Variants in SGCZ observed in about 807,000 individuals in gnomAD.
SGCZ encodes zeta-sarcoglycan.
Under a neutral mutation model 41.3 loss-of-function variants are expected in SGCZ, and 40 were observed. The ratio of observed to expected loss-of-function variants is 0.97; its 90% confidence interval spans 0.75 to 1.26. SGCZ has a LOEUF of 1.26. Among genes scored for constraint, SGCZ ranks in the 50% most tolerant of loss-of-function variants. SGCZ has a pLI of 0.00. For missense variants in SGCZ, 552 were observed against 369.8 expected, an observed-to-expected ratio of 1.49 and a Z score of -4.04; for synonymous variants, 206 against 137.5, an observed-to-expected ratio of 1.50 and a Z score of -3.49.
chr8:14,229,382 T>C (rs1806483319), intron 4 of SGCZ, among the ~76,000 whole-genome samples: 1 of 152,054 alleles, frequency 6.6e-6, no homozygotes, highest in East Asian at 1.9e-4. Context: ...GAGCTCTAAT[T>C]TCTAAAGCGT....
At chr8:14,375,565 T>A (rs1415522807) in intron 2 of SGCZ, among the ~76,000 whole-genome samples, 1 of 152,262 alleles carries the variant, frequency 6.6e-6, no homozygotes, top group Admixed American at 6.5e-5. Context: ...TTAAAATTAA[T>A]AACAGAATTT....
intron 1 of SGCZ, among the ~76,000 whole-genome samples, chr8:15,231,146 G>C (rs546356487): frequency 1.3e-5 from 2 of 152,250 alleles, no homozygotes; most frequent in African/African-American, 4.8e-5. Flanking sequence ...GTGACTGTTG[G>C]AATTAACTTC....
rs1156575456 is a variant in SGCZ, at chr8:14,190,280, A to G, written c.425-25578T>C. On this transcript the variant is annotated intron_variant, in intron 4 of 7. Transcript: ENST00000382080. ...GCCCACCTCGGCCTCCCAAAGTGCC[A>G]GGATTACAGGCGTGAGCCACAGCAC... Among the ~76,000 whole-genome samples the G allele has an allele frequency of 3.3e-5, 5 of 151,928 alleles. No individual in the cohort carries two copies. The East Asian group carries it at 9.8e-4, about 30-fold the overall frequency.
intron 2 of SGCZ, among the ~76,000 whole-genome samples, chr8:14,513,059 C>G (rs145198207): frequency 6.6e-6 from 1 of 152,230 alleles, no homozygotes; most frequent in Non-Finnish European, 1.5e-5. Context: ...CATAGTAAGT[C>G]TCATAGTCTC....
intron 2 of SGCZ, among the ~76,000 whole-genome samples, chr8:14,551,542 A>ATAATATATATT (rs1279768858): frequency 1.4e-4 from 1 of 7,086 alleles, no homozygotes; most frequent in African/African-American, 4.7e-4. Flanking sequence ...TAATATATAT[A>ATAATATATATT]ATATATATAA....
chr8:14,775,613 C>T (rs996353805), intron 1 of SGCZ, among the ~76,000 whole-genome samples: 4 of 151,960 alleles, frequency 2.6e-5, no homozygotes, highest in African/African-American at 9.7e-5. Context: ...AACCATATAA[C>T]ACAGTACATA....
chr8:14,611,940 T>G (rs1323650022), intron 1 of SGCZ, among the ~76,000 whole-genome samples: 1 of 152,222 alleles, frequency 6.6e-6, no homozygotes, highest in African/African-American at 2.4e-5. Context: ...AAATATGATA[T>G]GTAAATATTA....
chr8:14,737,009 T>G (rs1214965289), intron 1 of SGCZ, among the ~76,000 whole-genome samples: 3 of 150,866 alleles, frequency 2.0e-5, no homozygotes, highest in Non-Finnish European at 4.4e-5. Flanking sequence ...ATAAAGAAAC[T>G]CTGGTATATA....
chr8:14,657,208 A>T (rs933133116), intron 1 of SGCZ, among the ~76,000 whole-genome samples: 8 of 152,060 alleles, frequency 5.3e-5, no homozygotes, highest in African/African-American at 1.7e-4. Context: ...GAAGAGACGT[A>T]TGGATTTTTC....
intron 3 of SGCZ, among the ~76,000 whole-genome samples, chr8:14,305,939 TGAGA>T (rs1221948628): frequency 6.6e-6 from 1 of 152,196 alleles, no homozygotes; most frequent in Non-Finnish European, 1.5e-5. Flanking sequence ...TCCTACTGGA[TGAGA>T]CCACATGGAG....
chr8:14,326,111 C>CAAGAAAAAAAAAAAAAAA, intron 2 of SGCZ, among the ~76,000 whole-genome samples: 1 of 37,904 alleles, frequency 2.6e-5, no homozygotes, highest in Admixed American at 5.6e-4. Context: ...GACTCCGTCT[C>CAAGAAAAAAAAAAAAAAA]AAAAAAAAAA....
At chr8:14,470,025 T>G (rs961796840) in intron 2 of SGCZ, among the ~76,000 whole-genome samples, 1 of 152,120 alleles carries the variant, frequency 6.6e-6, no homozygotes, top group Non-Finnish European at 1.5e-5. Flanking sequence ...GAAGCTGGGT[T>G]GGTCAGAAGT....
intron 1 of SGCZ, among the ~76,000 whole-genome samples, chr8:15,204,963 T>G (rs936399765): frequency 6.6e-6 from 1 of 152,170 alleles, no homozygotes; most frequent in Non-Finnish European, 1.5e-5. Flanking sequence ...TTTAAAATCT[T>G]TTATTCTAAT....
chr8:14,260,511 A>G (rs1799620676), intron 3 of SGCZ, among the ~76,000 whole-genome samples: 1 of 146,866 alleles, frequency 6.8e-6, no homozygotes, highest in Non-Finnish European at 1.5e-5. Context: ...ACTGTAAACT[A>G]GTTCAACCAT....
At chr8:14,371,110 T>C (rs919221140) in intron 2 of SGCZ, among the ~76,000 whole-genome samples, 2 of 151,980 alleles carry the variant, frequency 1.3e-5, no homozygotes, top group African/African-American at 4.8e-5. Flanking sequence ...ATTCACAAAA[T>C]AGCAAAATTC....
intron 7 of SGCZ, among the ~76,000 whole-genome samples, chr8:14,097,303 C>G (rs191486487): frequency 6.6e-6 from 1 of 152,252 alleles, no homozygotes; most frequent in Admixed American, 6.5e-5. Context: ...TGTCTTTGTT[C>G]TCATTGGTTT....
At chr8:15,189,211 G>C (rs902184143) in intron 1 of SGCZ, among the ~76,000 whole-genome samples, 1 of 152,140 alleles carries the variant, frequency 6.6e-6, no homozygotes, top group Admixed American at 6.5e-5. Flanking sequence ...CATTTTAAGA[G>C]TAAACAAATT....
intron 1 of SGCZ, among the ~76,000 whole-genome samples, chr8:15,009,819 A>T (rs1802763510): frequency 6.6e-6 from 1 of 152,120 alleles, no homozygotes; most frequent in Admixed American, 6.6e-5. Context: ...GCCTCTGTCC[A>T]TTTTTTTAAA....
chr8:14,938,105 G>T (rs1027437855), intron 1 of SGCZ, among the ~76,000 whole-genome samples: 5 of 152,078 alleles, frequency 3.3e-5, no homozygotes, highest in African/African-American at 9.7e-5. Context: ...TATTATATTT[G>T]TAAAATGTTT....
Sources: allele counts gnomAD v4.1 joint callset (sites outside exome capture counted in the v4.1 genomes callset), GRCh38; gene constraint gnomAD v4.1.1; transcripts MANE v1.5; gene names NCBI Gene and HGNC (gene_info 2026-07-23, HGNC 2026-07-21).